The following DNAH17 variants were observed in gnomAD, a reference collection of about 807,000 sequenced individuals.
The protein encoded by DNAH17 is axonemal beta dynein heavy chain 17.
A neutral mutation model predicts 485.6 loss-of-function variants in DNAH17; 376 were observed. That is an observed-to-expected ratio of 0.77 (90% CI 0.71 to 0.84). The LOEUF is 0.84. Among genes scored for constraint, DNAH17 ranks in the 40% least tolerant of loss-of-function variants. The pLI is 0.00. For missense variants in DNAH17, 6,370 were observed against 5,839.3 expected (o/e 1.09, Z -2.96); for synonymous variants, 3,031 against 2,405.9 (o/e 1.26, Z -7.60).
intron 11 of DNAH17, among the ~76,000 whole-genome samples, chr17:78,562,781 C>T (rs1217110454): frequency 2.0e-5 from 3 of 152,196 alleles, no homozygotes; most frequent in African/African-American, 7.2e-5. Flanking sequence ...CTCTCAAGGG[C>T]AGCTGAGGCA....
At chr17:78,526,596 G>A in intron 24 of DNAH17, 55 bp downstream of exon 24, 1 of 1,434,864 alleles carries the variant, frequency 7.0e-7, no homozygotes. Flanking sequence ...CTTGAGAAAA[G>A]AAAGCAGTGG....
intron 17 of DNAH17, among the ~76,000 whole-genome samples, chr17:78,542,012 C>G (rs1263180902): frequency 6.6e-6 from 1 of 152,128 alleles, no homozygotes; most frequent in Non-Finnish European, 1.5e-5. Flanking sequence ...ACAATAGGAA[C>G]AGCCAATAAT....
chr17:78,523,248 C>T (rs1051538429), intron 25 of DNAH17, among the ~76,000 whole-genome samples: 18 of 151,996 alleles, frequency 1.2e-4, no homozygotes, highest in East Asian at 3.9e-4. Flanking sequence ...CTCCGCCTCC[C>T]GAGTAGCTGA....
chr17:78,456,180 T>C (rs2087790198), intron 62 of DNAH17, among the ~76,000 whole-genome samples: 1 of 152,032 alleles, frequency 6.6e-6, no homozygotes, highest in South Asian at 2.1e-4. Context: ...ATGCCTGTAA[T>C]CCCAGCTATT....
chr17:78,458,544 G>A, intron 62 of DNAH17, 21 bp downstream of exon 62: 2 of 1,597,062 alleles, frequency 1.3e-6, no homozygotes, highest in Non-Finnish European at 1.7e-6. Context: ...CAGGAGGGTG[G>A]TCTCGGGGAG....
At chr17:78,569,748 G>T (rs551368425) in intron 7 of DNAH17, among the ~76,000 whole-genome samples, 1 of 152,212 alleles carries the variant, frequency 6.6e-6, no homozygotes, top group South Asian at 2.1e-4. Context: ...GGTGGGGGTC[G>T]CAGATGATGA....
intron 71 of DNAH17, among the ~76,000 whole-genome samples, chr17:78,444,306 C>T (rs2087188939): frequency 6.6e-6 from 1 of 152,140 alleles, no homozygotes; most frequent in African/African-American, 2.4e-5. Context: ...CACCCCTCCT[C>T]AGTCAGGTTA....
rs188920464 is a variant in DNAH17, at chr17:78,563,925, G to A, written c.1570-1945C>T. 3.1e-4 allele frequency among the ~76,000 whole-genome samples: 47 copies of A among 151,718 alleles called. 2 individuals carry two copies. Among genetic ancestry groups the A allele is most frequent in the South Asian group, 1.5e-3 (7 of 4,810 alleles). ...TTCTCCCCCTGCCTCCCTCCCCTCC[G>A]CTTTTCTTTGTTTTAAATTGAGCAT... On this transcript the variant is annotated intron_variant, in intron 11 of 80. Transcript: ENST00000389840.
At chr17:78,463,532 A>C (rs1055487016) in intron 56 of DNAH17, among the ~76,000 whole-genome samples, 1 of 152,172 alleles carries the variant, frequency 6.6e-6, no homozygotes, top group African/African-American at 2.4e-5. Flanking sequence ...GCATATGTAC[A>C]CGTGCACATG....
chr17:78,572,973 G>A lies in DNAH17; in HGVS notation c.346-79C>T, dbSNP rs868649604. ...ACCGCACAGAGCCAGGTCCCCGGGGGGTTCCAAAGACCCGGTGTCTGGAGC... is the reference window on the plus strand; with the variant it reads ...ACCGCACAGAGCCAGGTCCCCGGGGAGTTCCAAAGACCCGGTGTCTGGAGC... On this transcript the variant is annotated intron_variant, in intron 2 of 80. Transcript: ENST00000389840. The A allele has an allele frequency of 2.2e-5, 29 of 1,341,096 alleles. No individual in the cohort carries two copies. The Middle Eastern group carries it at 7.0e-4, about 32-fold the overall frequency. 83.1% of individuals were successfully genotyped at this position (1,341,096 alleles called of 1,614,324 possible). A position where few individuals can be genotyped will look rare whatever the true frequency, so the allele number is the denominator to read the frequency against.
chr17:78,486,023 T>C lies in DNAH17; in HGVS notation c.7212A>G (p.Lys2404=). ...IFDYYIDPDT[K]KFLPWTDKVP... is the part of the protein sequence containing the mutation. ...CTTTATCTGTCCAGGGCAGGAACTT[T>C]TTTGTGTCAGGATCAATGTAGTAGT... Residue 2404 remains lysine (K), a synonymous_variant, in exon 46 of 81, where the codon AAA becomes AAG. Transcript: ENST00000389840. 1 of 1,613,966 alleles carries C rather than the reference T, an allele frequency of 6.2e-7. No homozygotes were observed. Among genetic ancestry groups the C allele is most frequent in the South Asian group, 1.1e-5 (1 of 91,078 alleles).
intron 12 of DNAH17, 139 bp from the exon 13 acceptor site, chr17:78,561,074 C>CAA: frequency 5.0e-6 from 4 of 795,946 alleles, no homozygotes; most frequent in Non-Finnish European, 7.9e-6. Context: ...ACTGAATATG[C>CAA]AAACAAGCAG....
intron 62 of DNAH17, among the ~76,000 whole-genome samples, chr17:78,456,676 T>C (rs1422312680): frequency 6.6e-6 from 1 of 152,214 alleles, no homozygotes; most frequent in Admixed American, 6.5e-5. Context: ...AGTGTTGGCA[T>C]GTTTGTTGCA....
intron 75 of DNAH17, 119 bp from the exon 76 acceptor site, chr17:78,429,419 G>T: frequency 8.8e-7 from 1 of 1,137,650 alleles, no homozygotes; most frequent in Non-Finnish European, 1.2e-6. Flanking sequence ...TGTCCTTCTC[G>T]CCCTCCAGGT....
At chr17:78,529,417 G>C in intron 22 of DNAH17, 55 bp downstream of exon 22, 2 of 1,578,396 alleles carry the variant, frequency 1.3e-6, no homozygotes, top group Non-Finnish European at 1.7e-6. Flanking sequence ...CATGGTCGCG[G>C]CCGGGATGGC....
chr17:78,558,238 C>T lies in DNAH17; in HGVS notation c.2048G>A (p.Arg683Lys). The change falls in exon 14 of 81, where the codon AGA (arginine) becomes AAA (lysine). Residue 683 changes from arginine to lysine, a missense_variant. Transcript: ENST00000389840. The stretch of plus-strand genomic sequence containing the variant: ...CTGGAAATTCAAATACTTGACTTCT[C>T]TCAGAACTGCCACCAACTAAATGAC... ...NFSKALVAVL[R>K]EVKYLNFQQQ... The T allele has an allele frequency of 6.2e-7, 1 of 1,613,676 alleles. No homozygotes were observed. Among genetic ancestry groups the T allele is most frequent in the Non-Finnish European group, 8.5e-7 (1 of 1,179,746 alleles).
At position 78,539,752 on chromosome 17, in the gene DNAH17, G is replaced by A. The variant is rs370179299; in HGVS notation, c.2661C>T (p.Asp887=). The change falls in exon 18 of 81, where the codon GAC becomes GAT. Residue 887 remains aspartate (D), a synonymous_variant. Coordinates refer to ENST00000389840, the MANE Select transcript of DNAH17 (RefSeq NM_173628.4). The part of the protein sequence containing the change: ...FIRKSLSFLM[D]NMVIDESIAP... Reference sequence around the variant, plus strand: ...GATAACTTACATCTATAACCATGTTGTCCATTAGGAAACTCAGAGATTTGC... The same window carrying A: ...GATAACTTACATCTATAACCATGTTATCCATTAGGAAACTCAGAGATTTGC... The A allele has an allele frequency of 4.8e-5, 77 of 1,610,726 alleles. No individual in the cohort carries two copies. The highest frequency in any genetic ancestry group is 2.7e-4 in the East Asian group (12 of 44,840).
chr17:78,552,220 G>A (rs940307366), intron 15 of DNAH17, among the ~76,000 whole-genome samples: 3 of 152,214 alleles, frequency 2.0e-5, no homozygotes, highest in Admixed American at 2.0e-4. Context: ...TTCCACCTCT[G>A]GGAGCATCAG....
intron 16 of DNAH17, among the ~76,000 whole-genome samples, chr17:78,548,592 C>A (rs1598704757): frequency 6.6e-6 from 1 of 152,334 alleles, no homozygotes; most frequent in South Asian, 2.1e-4. Context: ...ATCTAAACGA[C>A]TTGTTACTCT....
Sources: gnomAD v4.1 joint callset for allele counts (sites outside exome capture counted in the v4.1 genomes callset) on GRCh38, gnomAD v4.1.1 for gene constraint, MANE v1.5 for transcripts, NCBI Gene and HGNC (gene_info 2026-07-23, HGNC 2026-07-21) for gene names.